The following DPEP2 variants were observed in gnomAD, a reference collection of about 807,000 sequenced individuals.
DPEP2 encodes the protein dipeptidase 2.
In DPEP2, 45 loss-of-function variants were observed where a neutral mutation model predicts 51.8. The ratio of observed to expected loss-of-function variants is 0.87; its 90% CI spans 0.68 to 1.11. The LOEUF (loss-of-function observed/expected upper bound fraction) is 1.11, where lower values mean the gene tolerates loss of function less well. Among genes scored for constraint, DPEP2 ranks in the 50% most tolerant of loss-of-function variants. DPEP2 has a pLI of 0.00. For synonymous variants in DPEP2, 255 were observed against 262.7 expected (o/e 0.97, Z 0.28); for missense variants, 604 against 631.9 (o/e 0.96, Z 0.47).
In DPEP2 at chr16:67,993,072, G is replaced by A; in HGVS notation, c.141C>T (p.Gly47=). 6.4e-7 allele frequency: 1 copy of A among 1,573,762 alleles called. No individual in the cohort carries two copies. The highest frequency in any genetic ancestry group is 8.6e-7 in the Non-Finnish European group (1 of 1,158,688). The change falls in exon 2 of 11, where the codon GGC becomes GGT. Residue 47 remains glycine (G), a synonymous_variant. Coordinates refer to ENST00000393847, the MANE Select transcript of DPEP2 (RefSeq NM_022355.4). ...PGPPRALTTL[G]APRAHTMPGT... ...CCGGCATGGTGTGGGCTCTGGGGGC[G>A]CCCAGCGTGGTGAGGGCTCTGGGGG...
chr16:67,996,405 G>C (rs2032699318), intron 1 of DPEP2, among the ~76,000 whole-genome samples: 1 of 151,506 alleles, frequency 6.6e-6, no homozygotes, highest in Non-Finnish European at 1.5e-5. Context: ...CTGTTGCCCA[G>C]GCTGGAGGGC....
intron 1 of DPEP2, chr16:67,993,680 T>G: frequency 1.0e-6 from 1 of 987,370 alleles, no homozygotes; most frequent in African/African-American, 1.7e-5. Flanking sequence ...CCCAACCGCC[T>G]GCAACGTGTC....
At position 67,991,597 on chromosome 16, in the gene DPEP2, C is replaced by T. The variant is rs533101631; in HGVS notation, c.662+241G>A. On this transcript the variant is annotated intron_variant, in intron 5 of 10. Transcript: ENST00000393847. The surrounding 1 kb of genome is among the most constrained non-coding windows in gnomAD (Gnocchi z 5.1). Reference sequence around the variant, plus strand: ...TTCACCATCTTGGCCAGGCTGGTCTCGAACTCCTGGCCTTAAGTTATCTGT... The same window carrying T: ...TTCACCATCTTGGCCAGGCTGGTCTTGAACTCCTGGCCTTAAGTTATCTGT... 21 of 578,242 alleles carry T rather than the reference C, an allele frequency of 3.6e-5. No individual in the cohort carries two copies. The highest frequency in any genetic ancestry group is 2.8e-4 in the Admixed American group (9 of 31,856). 35.8% of individuals were successfully genotyped at this position (578,242 alleles called of 1,614,324 possible).
At chr16:68,000,190 G>T (rs2032943039), upstream of DPEP2, among the ~76,000 whole-genome samples, 1 of 152,194 alleles carries the variant, frequency 6.6e-6, no homozygotes, top group Non-Finnish European at 1.5e-5. Context: ...TACCAGGAAG[G>T]AGTAGGTGGG....
chr16:67,993,073 C>T lies in DPEP2; in HGVS notation c.140G>A (p.Gly47Asp). The change falls in exon 2 of 11, where the codon GGC becomes GAC. Residue 47 changes from glycine to aspartate, a missense_variant. Coordinates refer to ENST00000393847, the MANE Select transcript of DPEP2 (RefSeq NM_022355.4). ...PGPPRALTTL[G>D]APRAHTMPGT... Reference sequence around the variant, plus strand: ...CGGCATGGTGTGGGCTCTGGGGGCGCCCAGCGTGGTGAGGGCTCTGGGGGG... The same window carrying T: ...CGGCATGGTGTGGGCTCTGGGGGCGTCCAGCGTGGTGAGGGCTCTGGGGGG... 1.3e-6 allele frequency: 2 copies of T among 1,574,328 alleles called. No individual in the cohort carries two copies. Among genetic ancestry groups the T allele is most frequent in the Non-Finnish European group, 1.7e-6 (2 of 1,159,030 alleles).
intron 1 of DPEP2, among the ~76,000 whole-genome samples, chr16:67,995,778 A>T (rs554983987): frequency 6.6e-6 from 1 of 152,252 alleles, no homozygotes; most frequent in African/African-American, 2.4e-5. Flanking sequence ...AGCTTGGCCA[A>T]CATGGGGAAA....
Position 67,990,080 on chromosome 16 carries a change from A to G in DPEP2, c.961T>C (p.Cys321Arg). 1 of 1,614,080 alleles carries G rather than the reference A, an allele frequency of 6.2e-7. No homozygotes were observed. Among genetic ancestry groups the G allele is most frequent in the Non-Finnish European group, 8.5e-7 (1 of 1,179,996 alleles). ...GTGGACACATTGGCTGATGGGTTGC[A>G]CTGTATTACTCCCATGGACAAAGAC... ...MVSLSMGVIQCNPSANVSTVA... is the reference protein window; with the variant it reads ...MVSLSMGVIQRNPSANVSTVA... The change falls in exon 8 of 11, where the codon TGC becomes CGC. Residue 321 changes from cysteine to arginine, a missense_variant. By Grantham distance (180) the Cys-to-Arg change is radical (BLOSUM62 -3). Transcript: ENST00000393847.
Position 67,991,288 on chromosome 16 carries a change from C to T in DPEP2, c.663-104G>A, listed in dbSNP as rs2032122850. ...TCCCTGCACCCCCCTGAAACAAAAA[C>T]AGGGATCCAAAATGGGCCCTGCAAA... On this transcript the variant is annotated intron_variant, in intron 5 of 10. Transcript: ENST00000393847. The surrounding 1 kb of genome is among the most constrained non-coding windows in gnomAD (Gnocchi z 5.1). The T allele has an allele frequency of 1.7e-6, 2 of 1,204,974 alleles. No homozygotes were observed. Among genetic ancestry groups the T allele is most frequent in the Non-Finnish European group, 2.4e-6 (2 of 846,992 alleles). The allele number at this position is 1,204,974 out of a possible 1,614,324, so 74.6% of individuals were successfully genotyped here.
chr16:67,991,968 T>C lies in DPEP2; in HGVS notation c.532A>G (p.Thr178Ala). 1.9e-6 allele frequency: 3 copies of C among 1,614,078 alleles called. No homozygotes were observed. Residue 178 changes from threonine to alanine, a missense_variant, in exon 5 of 11, where the codon ACT becomes GCT. Transcript: ENST00000393847. This position sits in a 1 kb window ranked among gnomAD's most constrained non-coding sequence, Gnocchi z 5.1. ...CCGATGAGGCAGGCCAATTTCTGAG[T>C]GTCGTTCAGAGCTGGGGGCAGGTAG... The part of the protein sequence containing the change: ...LVTSAKALND[T>A]QKLACLIGVE...
intron 2 of DPEP2, 102 bp downstream of exon 2, chr16:67,992,840 CATCCAGGG>C (rs2032345268): frequency 6.7e-7 from 1 of 1,485,734 alleles, no homozygotes; most frequent in South Asian, 1.3e-5. Flanking sequence ...GGAGAGAGGG[CATCCAGGG>C]GTGGTGTGAG....
chr16:67,997,579 A>C (rs2032775567), intron 1 of DPEP2, among the ~76,000 whole-genome samples: 1 of 150,346 alleles, frequency 6.7e-6, no homozygotes, highest in African/African-American at 2.5e-5. Context: ...GATGGTCTTG[A>C]TCTCCCGACC....
upstream of DPEP2, chr16:68,000,513 T>C (rs1012585914): frequency 1.0e-6 from 1 of 984,964 alleles, no homozygotes; most frequent in Admixed American, 6.2e-5. Context: ...TGGAGACTCA[T>C]GCTTCCCTTT....
Position 67,991,697 on chromosome 16 carries a change from G to T in DPEP2, c.662+141C>A. On this transcript the variant is annotated intron_variant, in intron 5 of 10. Transcript: ENST00000393847. This position sits in a 1 kb window ranked among gnomAD's most constrained non-coding sequence, Gnocchi z 5.1. The stretch of plus-strand genomic sequence containing the variant: ...CTGGCCAGGGGTCAAGTCGTATTCT[G>T]AAAACCAGAATCCCAGCTCCCCTCC... 1 of 1,313,966 alleles carries T rather than the reference G, an allele frequency of 7.6e-7. No homozygotes were observed. The allele number at this position is 1,313,966 out of a possible 1,614,324, so 81.4% of individuals were successfully genotyped here.
chr16:67,997,172 A>C (rs368856070), intron 1 of DPEP2, among the ~76,000 whole-genome samples: 4 of 150,534 alleles, frequency 2.7e-5, no homozygotes, highest in African/African-American at 4.9e-5. Flanking sequence ...AGCTGAGATT[A>C]CGGGCGCATG....
At chr16:67,988,401 GAAAGAAAGA>G (rs1422947909) in intron 9 of DPEP2, among the ~76,000 whole-genome samples, 10 of 146,422 alleles carry the variant, frequency 6.8e-5, no homozygotes, top group Non-Finnish European at 1.5e-4. Flanking sequence ...AAAAAAGAAA[GAAAGAAAGA>G]AAGGAAAGAA....
Position 67,991,275 on chromosome 16 carries a change from C to G in DPEP2, c.663-91G>C, listed in dbSNP as rs751998903. ...TACCCACCCTCCATCCCTGCACCCC[C>G]CTGAAACAAAAACAGGGATCCAAAA... On this transcript the variant is annotated intron_variant, in intron 5 of 10. Coordinates refer to ENST00000393847, the MANE Select transcript of DPEP2 (RefSeq NM_022355.4). The surrounding 1 kb of genome is among the most constrained non-coding windows in gnomAD (Gnocchi z 5.1). The G allele has an allele frequency of 3.7e-6, 5 of 1,346,208 alleles. No individual in the cohort carries two copies. The East Asian group carries it at 7.4e-5, about 20-fold the overall frequency. 83.4% of individuals were successfully genotyped at this position (1,346,208 alleles called of 1,614,324 possible).
chr16:67,989,100 G>A (rs2031801944), intron 9 of DPEP2, among the ~76,000 whole-genome samples: 1 of 152,152 alleles, frequency 6.6e-6, no homozygotes, highest in Non-Finnish European at 1.5e-5. Flanking sequence ...TGAGTCTCCT[G>A]GGCTTGGGGG....
upstream of DPEP2, chr16:67,999,528 T>C: frequency 7.1e-6 from 7 of 985,958 alleles, no homozygotes; most frequent in Non-Finnish European, 8.4e-6. Context: ...TGGCTTTGGG[T>C]GAGGTTAGGG....
chr16:67,995,128 G>A (rs2032611415), intron 1 of DPEP2, among the ~76,000 whole-genome samples: 1 of 152,112 alleles, frequency 6.6e-6, no homozygotes, highest in African/African-American at 2.4e-5. Context: ...TCGAACTCCT[G>A]GTCTCAAGCA....
Sources: gnomAD v4.1 joint callset for allele counts (sites outside exome capture counted in the v4.1 genomes callset) on GRCh38, gnomAD v4.1.1 for gene constraint, Gnocchi (gnomAD v3.1) non-coding constraint, MANE v1.5 for transcripts, NCBI Gene and HGNC (gene_info 2026-07-23, HGNC 2026-07-21) for gene names.